Variants in RPTOR observed in about 807,000 individuals in gnomAD.
RPTOR encodes the protein regulatory associated protein of MTOR complex 1, also known as regulatory-associated protein of mTOR.
In RPTOR, 21 loss-of-function variants were observed where a neutral mutation model predicts 169.9. That is an observed-to-expected ratio of 0.12 (90% CI 0.09 to 0.18). The LOEUF is 0.18. RPTOR is among the 10% of genes least tolerant of loss of function. RPTOR has a pLI of 1.00. For synonymous variants in RPTOR, 732 were observed against 753.2 expected, an observed-to-expected ratio of 0.97 and a Z score of 0.46; for missense variants, 1,133 against 1,855.9, an observed-to-expected ratio of 0.61 and a Z score of 7.16.
At chr17:80,830,951 C>T (rs1567936394) in intron 9 of RPTOR, among the ~76,000 whole-genome samples, 1 of 152,040 alleles carries the variant, frequency 6.6e-6, no homozygotes, top group Non-Finnish European at 1.5e-5. Context: ...CACCAGGTTG[C>T]TCAGGCTGGT....
chr17:80,743,902 CGAGCACAGCCCTGGT>C lies in RPTOR; in HGVS notation c.655-10107_655-10093del, dbSNP rs2066522960. ...CTGGCTACTAGCACTGTCCTGGTTA[CGAGCACAGCCCTGGT>C]TACTAGCAGAGCCCTGGTTACTAGC... is the stretch of plus-strand genomic sequence containing the variant. On this transcript the variant is annotated intron_variant, in intron 5 of 33. Coordinates refer to ENST00000306801, the MANE Select transcript of RPTOR (RefSeq NM_020761.3). Among the ~76,000 whole-genome samples, 2 of 89,694 alleles carry C rather than the reference CGAGCACAGCCCTGGT, an allele frequency of 2.2e-5. 1 individual carries two copies. The highest frequency in any genetic ancestry group is 4.7e-5 in the Non-Finnish European group (2 of 42,130). 58.8% of individuals were successfully genotyped at this position (89,694 alleles called of 152,430 possible). A position where few individuals can be genotyped will look rare whatever the true frequency, so the allele number is the denominator to read the frequency against.
Position 80,820,932 on chromosome 17 carries a change from AT to A in RPTOR, c.891-1264del, listed in dbSNP as rs1295308267. Among the ~76,000 whole-genome samples the A allele has an allele frequency of 6.6e-6, 1 of 152,080 alleles. No individual in the cohort carries two copies. On this transcript the variant is annotated intron_variant, in intron 7 of 33. Transcript: ENST00000306801. The surrounding 1 kb of genome is among the most constrained non-coding windows in gnomAD (Gnocchi z 4.1). The stretch of plus-strand genomic sequence containing the variant: ...ACTGGTCTCCACTGTGGAGGTCGAA[AT>A]TTTTCTTGAATTTGGAAATCTTTGT...
intron 3 of RPTOR, among the ~76,000 whole-genome samples, chr17:80,655,125 A>G (rs2065669817): frequency 6.6e-6 from 1 of 152,252 alleles, no homozygotes; most frequent in Non-Finnish European, 1.5e-5. Flanking sequence ...TTGCTCTGCC[A>G]TCCAGGCTGG....
At chr17:80,674,340 G>C (rs1169714234) in intron 3 of RPTOR, among the ~76,000 whole-genome samples, 1 of 152,180 alleles carries the variant, frequency 6.6e-6, no homozygotes, top group Non-Finnish European at 1.5e-5. Context: ...TTTCCGGAAA[G>C]AAGAAGTAGG....
chr17:80,912,796 A>G (rs553778991), intron 21 of RPTOR, among the ~76,000 whole-genome samples: 23 of 152,176 alleles, frequency 1.5e-4, no homozygotes, highest in Non-Finnish European at 5.9e-5. Flanking sequence ...TTGTCGTGCT[A>G]TCCGATTGAG....
At chr17:80,584,407 C>T (rs1028390376) in intron 1 of RPTOR, among the ~76,000 whole-genome samples, 8 of 151,736 alleles carry the variant, frequency 5.3e-5, no homozygotes, top group Non-Finnish European at 1.0e-4. Flanking sequence ...TAAATAACTG[C>T]CTTTCAAGAT....
At chr17:80,687,006 G>C (rs916477780) in intron 3 of RPTOR, among the ~76,000 whole-genome samples, 3 of 152,150 alleles carry the variant, frequency 2.0e-5, no homozygotes, top group Non-Finnish European at 1.5e-5. Context: ...CCAGAGAGTG[G>C]AATCTGTCTG....
At chr17:80,887,135 G>A (rs2068256549) in intron 17 of RPTOR, among the ~76,000 whole-genome samples, 1 of 152,016 alleles carries the variant, frequency 6.6e-6, no homozygotes, top group Non-Finnish European at 1.5e-5. Context: ...CGAGGAGTCA[G>A]AGAAAGACAC....
At chr17:80,932,749 A>T (rs2068913441) in intron 24 of RPTOR, among the ~76,000 whole-genome samples, 1 of 152,240 alleles carries the variant, frequency 6.6e-6, no homozygotes, top group African/African-American at 2.4e-5. Flanking sequence ...AGTACAAAGC[A>T]GTCCAACATC....
chr17:80,591,188 TCC>T (rs2065103368), intron 1 of RPTOR, among the ~76,000 whole-genome samples: 1 of 5,542 alleles, frequency 1.8e-4, no homozygotes, highest in African/African-American at 7.4e-4. Flanking sequence ...TCCCCTCTCC[TCC>T]CCTCTCCTCC....
chr17:80,687,295 C>G (rs902190090), intron 3 of RPTOR, among the ~76,000 whole-genome samples: 1 of 152,240 alleles, frequency 6.6e-6, no homozygotes, highest in African/African-American at 2.4e-5. Flanking sequence ...TCCCACCACA[C>G]CATCCCTCAC....
In RPTOR at chr17:80,744,863, T is replaced by A. The variant is rs866787205; in HGVS notation, c.655-9147T>A. ...CTAGCACTGTCCTGGCTACTAGCAC[T>A]GTCCTGGTTACGAGCACAGCCCTGG... On this transcript the variant is annotated intron_variant, in intron 5 of 33. Transcript: ENST00000306801. Among the ~76,000 whole-genome samples, 33 of 50,332 alleles carry A rather than the reference T, an allele frequency of 6.6e-4. 2 individuals are homozygous for A. Among genetic ancestry groups the A allele is most frequent in the South Asian group, 3.2e-3 (4 of 1,248 alleles). 33.0% of individuals were successfully genotyped at this position (50,332 alleles called of 152,430 possible).
At chr17:80,724,995 C>T (rs2066319237) in intron 4 of RPTOR, among the ~76,000 whole-genome samples, 1 of 152,236 alleles carries the variant, frequency 6.6e-6, no homozygotes, top group Non-Finnish European at 1.5e-5. Flanking sequence ...TCTTTGTACT[C>T]ATCTGTTTGG....
chr17:80,815,676 A>G (rs763977163), intron 7 of RPTOR, among the ~76,000 whole-genome samples: 2 of 152,276 alleles, frequency 1.3e-5, no homozygotes, highest in Non-Finnish European at 2.9e-5. Context: ...CTAGCTACAC[A>G]GAAAATTAAC....
chr17:80,909,410 C>T, intron 21 of RPTOR: 1 of 159,440 alleles, frequency 6.3e-6, no homozygotes, highest in African/African-American at 2.4e-5. Flanking sequence ...CTCACTCTGT[C>T]CAGACTAGAA....
chr17:80,703,592 A>C (rs2066119299), intron 3 of RPTOR, among the ~76,000 whole-genome samples: 1 of 152,056 alleles, frequency 6.6e-6, no homozygotes, highest in African/African-American at 2.4e-5. Flanking sequence ...ATTAAAAAAA[A>C]AGTTTTTTTT....
chr17:80,738,285 G>A (rs905836109), intron 5 of RPTOR, among the ~76,000 whole-genome samples: 4 of 152,204 alleles, frequency 2.6e-5, no homozygotes, highest in Non-Finnish European at 4.4e-5. Flanking sequence ...CATTTGTGCC[G>A]TTTCATCCAT....
chr17:80,951,250 C>T (rs964362339), intron 28 of RPTOR, among the ~76,000 whole-genome samples: 4 of 152,216 alleles, frequency 2.6e-5, no homozygotes, highest in Non-Finnish European at 5.9e-5. Flanking sequence ...CACCGGGCCA[C>T]GCTGCAGGAA....
intron 1 of RPTOR, among the ~76,000 whole-genome samples, chr17:80,619,554 A>G (rs1450411950): frequency 3.9e-5 from 6 of 152,076 alleles, no homozygotes; most frequent in Non-Finnish European, 8.8e-5. Context: ...CTTCGAGTGG[A>G]GGTGATCTGG....
Sources: gnomAD v4.1 joint callset for allele counts (sites outside exome capture counted in the v4.1 genomes callset) on GRCh38, gnomAD v4.1.1 for gene constraint, Gnocchi (gnomAD v3.1) non-coding constraint, MANE v1.5 for transcripts, NCBI Gene and HGNC (gene_info 2026-07-23, HGNC 2026-07-21) for gene names.